The following CASP9 variants were observed in gnomAD, a reference collection of about 807,000 sequenced individuals.
The protein encoded by CASP9 is caspase-9.
In CASP9, 29 loss-of-function variants were observed where a neutral mutation model predicts 43.5. The observed-to-expected ratio is 0.67, with a 90% CI of 0.50 to 0.91. The LOEUF (loss-of-function observed/expected upper bound fraction) is 0.91, where lower values mean the gene tolerates loss of function less well. Ranked by LOEUF, CASP9 falls within the 40% of genes least tolerant of loss-of-function variation. The pLI, the probability that CASP9 is intolerant of heterozygous loss-of-function variation, is 0.00. For synonymous variants in CASP9, 206 were observed against 211.9 expected (o/e 0.97, Z 0.24); for missense variants, 575 against 537.4 (o/e 1.07, Z -0.69).
intron 2 of CASP9, among the ~76,000 whole-genome samples, chr1:15,508,178 A>G (rs982689794): frequency 2.0e-5 from 3 of 152,240 alleles, no homozygotes; most frequent in Non-Finnish European, 4.4e-5. Context: ...ATGTTCCCTG[A>G]GGCCTTATTC....
chr1:15,503,258 G>A (rs1570840789), intron 6 of CASP9, among the ~76,000 whole-genome samples: 1 of 151,946 alleles, frequency 6.6e-6, no homozygotes, highest in East Asian at 1.9e-4. Context: ...GGGCATGGTA[G>A]TGTGCACCTG....
chr1:15,505,007 G>A (rs1443437151), intron 5 of CASP9, among the ~76,000 whole-genome samples: 1 of 152,186 alleles, frequency 6.6e-6, no homozygotes, highest in Non-Finnish European at 1.5e-5. Flanking sequence ...GCTGGCTGCG[G>A]CCTCTAGACC....
chr1:15,524,577 A>ACTGACCTCACGTCCCCGCG, upstream of CASP9: 1 of 548,044 alleles, frequency 1.8e-6, no homozygotes, highest in Non-Finnish European at 2.2e-6. Flanking sequence ...GTATCCCCGC[A>ACTGACCTCACGTCCCCGCG]CTGACCTCAC....
At position 15,506,020 on chromosome 1, in the gene CASP9, G is replaced by C; in HGVS notation, c.690C>G (p.Cys230Trp). ...AQQDHGALDCCVVVILSHGCQ... is the reference protein window; with the variant it reads ...AQQDHGALDCWVVVILSHGCQ... ...AGCCGTGAGAGAGAATGACCACCAC[G>C]CAGCAGTCCAGAGCACCGTGGTCCT... The change falls in exon 5 of 9, where the codon TGC becomes TGG. Residue 230 changes from cysteine to tryptophan, a missense_variant. By Grantham distance (215) the Cys-to-Trp change is radical. Coordinates refer to ENST00000333868, the MANE Select transcript of CASP9 (RefSeq NM_001229.5). 2 of 1,614,120 alleles carry C rather than the reference G, an allele frequency of 1.2e-6. No homozygotes were observed. The highest frequency in any genetic ancestry group is 1.7e-6 in the Non-Finnish European group (2 of 1,179,952).
At chr1:15,493,600 T>G (rs1213975301) in intron 8 of CASP9, 8 of 1,434,854 alleles carry the variant, frequency 5.6e-6, no homozygotes, top group Non-Finnish European at 7.3e-6. Flanking sequence ...AGAGCCATCC[T>G]GCGCTGGCAC....
In CASP9 at chr1:15,493,923, T is replaced by C. The variant is rs775563132; in HGVS notation, c.1127A>G (p.His376Arg). Residue 376 changes from histidine to arginine, a missense_variant, in exon 8 of 9, where the codon CAC becomes CGC. His to Arg is a conservative substitution (Grantham distance 29). Coordinates refer to ENST00000333868, the MANE Select transcript of CASP9 (RefSeq NM_001229.5). ...TLDDIFEQWA[H>R]SEDLQSLLLR... ...CAGGAGGGACTGCAGGTCTTCAGAG[T>C]GAGCCCACTGCTCAAAGATGTCGTC... is the stretch of plus-strand genomic sequence containing the variant. 2 of 1,602,292 alleles carry C rather than the reference T, an allele frequency of 1.2e-6. No homozygotes were observed. Among genetic ancestry groups the C allele is most frequent in the East Asian group, 4.5e-5 (2 of 44,500 alleles).
upstream of CASP9, chr1:15,524,311 G>A (rs1710354220): frequency 5.6e-6 from 8 of 1,425,130 alleles, no homozygotes; most frequent in African/African-American, 1.9e-5. Flanking sequence ...CCGCGTCACG[G>A]CCCCGGGTCA....
chr1:15,495,593 A>T, intron 6 of CASP9, 141 bp from the exon 7 acceptor site: 1 of 723,766 alleles, frequency 1.4e-6, no homozygotes, highest in Admixed American at 4.2e-5. Context: ...ATTAAGCCAA[A>T]CGGAAAAGTC....
chr1:15,510,810 T>C (rs1276355436), intron 2 of CASP9, among the ~76,000 whole-genome samples: 1 of 152,032 alleles, frequency 6.6e-6, no homozygotes, highest in Non-Finnish European at 1.5e-5. Flanking sequence ...ATGGGGACAA[T>C]AAACACACAT....
intron 2 of CASP9, among the ~76,000 whole-genome samples, chr1:15,515,978 G>A (rs1328156826): frequency 2.0e-5 from 3 of 152,056 alleles, no homozygotes; most frequent in Non-Finnish European, 4.4e-5. Flanking sequence ...GAGGCAGGTG[G>A]ATCACTTGAG....
upstream of CASP9, chr1:15,524,719 G>A: frequency 3.9e-6 from 4 of 1,031,648 alleles, no homozygotes; most frequent in Non-Finnish European, 4.6e-6. Context: ...CTGTCCCCAG[G>A]GTCAATTCTG....
intron 1 of CASP9, among the ~76,000 whole-genome samples, chr1:15,519,006 T>C (rs1181869796): frequency 6.6e-6 from 1 of 151,222 alleles, no homozygotes; most frequent in Non-Finnish European, 1.5e-5. Context: ...TCCGGAGTAG[T>C]TGGGGTTACA....
At chr1:15,496,703 A>G (rs1312831816) in intron 6 of CASP9, among the ~76,000 whole-genome samples, 1 of 152,244 alleles carries the variant, frequency 6.6e-6, no homozygotes, top group African/African-American at 2.4e-5. Flanking sequence ...CCAAGATGAA[A>G]GACTTGTAAA....
At chr1:15,497,844 C>T (rs1347005734) in intron 6 of CASP9, among the ~76,000 whole-genome samples, 1 of 152,032 alleles carries the variant, frequency 6.6e-6, no homozygotes, top group Non-Finnish European at 1.5e-5. Flanking sequence ...ATAGACAAAA[C>T]AATCTGGAAA....
chr1:15,515,777 C>G (rs549227288), intron 2 of CASP9, among the ~76,000 whole-genome samples: 1 of 152,244 alleles, frequency 6.6e-6, no homozygotes. Flanking sequence ...CAATTTGGGC[C>G]GAGTGCAGTG....
At chr1:15,507,490 T>C (rs1439162507) in intron 3 of CASP9, among the ~76,000 whole-genome samples, 1 of 152,220 alleles carries the variant, frequency 6.6e-6, no homozygotes, top group Non-Finnish European at 1.5e-5. Flanking sequence ...TCACTATTTC[T>C]ATTTATATAC....
intron 3 of CASP9, 81 bp downstream of exon 3, chr1:15,507,792 C>T: frequency 1.4e-6 from 2 of 1,410,808 alleles, no homozygotes; most frequent in Admixed American, 1.7e-5. Flanking sequence ...GCTCCTGACA[C>T]ACCTGCAGGG....
At chr1:15,493,739 C>T (rs1708982180) in intron 8 of CASP9, 153 bp downstream of exon 8, 1 of 1,517,346 alleles carries the variant, frequency 6.6e-7, no homozygotes. Flanking sequence ...TAAAGAGACA[C>T]AAAAGTGCCG....
Position 15,506,898 on chromosome 1 carries a change from C to A in CASP9, c.630+1G>T. 1.2e-6 allele frequency: 2 copies of A among 1,600,012 alleles called. No homozygotes were observed. Among genetic ancestry groups the A allele is most frequent in the Non-Finnish European group, 1.7e-6 (2 of 1,168,396 alleles). On this transcript the variant is annotated splice_donor_variant, in intron 4 of 8. Transcript: ENST00000333868. LOFTEE classifies it high-confidence loss of function. Reference sequence around the variant, plus strand: ...TCTCCCTCCACAGATAGTGAGTGTACCTTGGCAGTCAGGTCGCCCTTCACC... The same window carrying A: ...TCTCCCTCCACAGATAGTGAGTGTAACTTGGCAGTCAGGTCGCCCTTCACC...
Sources: allele counts gnomAD v4.1 joint callset (sites outside exome capture counted in the v4.1 genomes callset), GRCh38; gene constraint gnomAD v4.1.1; transcripts MANE v1.5; gene names NCBI Gene and HGNC (gene_info 2026-07-23, HGNC 2026-07-21).